PLEKHA1: variants seen among roughly 807,000 people sequenced by gnomAD.
PLEKHA1 encodes pleckstrin homology domain containing A1.
In PLEKHA1, 34 loss-of-function variants were observed where a neutral mutation model predicts 52.0. The ratio of observed to expected loss-of-function variants is 0.65; its 90% CI spans 0.50 to 0.87. The LOEUF is 0.87. Ranked by LOEUF, PLEKHA1 falls within the 40% of genes least tolerant of loss-of-function variation. The pLI is 0.00. For synonymous variants in PLEKHA1, 163 were observed against 170.7 expected, an observed-to-expected ratio of 0.95 and a Z score of 0.35; for missense variants, 497 against 504.2, an observed-to-expected ratio of 0.99 and a Z score of 0.14.
At chr10:122,385,541 C>G (rs1278225343) in intron 1 of PLEKHA1, among the ~76,000 whole-genome samples, 1 of 152,080 alleles carries the variant, frequency 6.6e-6, no homozygotes, top group Non-Finnish European at 1.5e-5. Context: ...GTCTTGAACT[C>G]CCAACCTCAG....
intron 3 of PLEKHA1, among the ~76,000 whole-genome samples, chr10:122,399,235 GGGATCAAT>G (rs1565194025): frequency 6.6e-6 from 1 of 152,068 alleles, no homozygotes; most frequent in African/African-American, 2.4e-5. Flanking sequence ...GTTTGTAGTT[GGGATCAAT>G]GAGGAACCCC....
intron 2 of PLEKHA1, among the ~76,000 whole-genome samples, chr10:122,396,132 GAC>G (rs1446975519): frequency 1.3e-5 from 2 of 151,946 alleles, no homozygotes; most frequent in Non-Finnish European, 2.9e-5. Context: ...CTATTACTGT[GAC>G]ACTTTATGTC....
At chr10:122,401,919 A>G (rs1389741924) in intron 4 of PLEKHA1, among the ~76,000 whole-genome samples, 3 of 152,218 alleles carry the variant, frequency 2.0e-5, no homozygotes, top group Non-Finnish European at 2.9e-5. Flanking sequence ...TAGCATCTTG[A>G]TATGAGCAAG....
chr10:122,394,871 G>T (rs556983950), intron 2 of PLEKHA1, among the ~76,000 whole-genome samples: 1 of 152,240 alleles, frequency 6.6e-6, no homozygotes, highest in Non-Finnish European at 1.5e-5. Flanking sequence ...CTACATAATA[G>T]ATTCTTCTTG....
chr10:122,384,754 A>G (rs915045346), intron 1 of PLEKHA1, among the ~76,000 whole-genome samples: 3 of 152,080 alleles, frequency 2.0e-5, no homozygotes, highest in Non-Finnish European at 2.9e-5. Flanking sequence ...GGACTTTGAG[A>G]CCAGCCTGGC....
chr10:122,411,688 C>CT (rs757225128), intron 5 of PLEKHA1: 1 of 152,170 alleles, frequency 6.6e-6, no homozygotes. Context: ...CTGGGTGATA[C>CT]TTTATGCACT....
chr10:122,421,489 G>C (rs1399106257), intron 8 of PLEKHA1: 2 of 152,132 alleles, frequency 1.3e-5, no homozygotes, highest in Admixed American at 6.6e-5. Context: ...TGATTCTGAT[G>C]ATTGTATTGT....
At chr10:122,411,668 A>C (rs1353228973) in intron 5 of PLEKHA1, 3 of 152,152 alleles carry the variant, frequency 2.0e-5, no homozygotes, top group Non-Finnish European at 4.4e-5. Context: ...TGAAGTTTTA[A>C]ATAATGTTCC....
intron 1 of PLEKHA1, among the ~76,000 whole-genome samples, chr10:122,375,263 G>A (rs1234974167): frequency 1.3e-5 from 2 of 151,916 alleles, no homozygotes; most frequent in East Asian, 3.9e-4. Context: ...CGGTCGGAGC[G>A]CCTCCCTCCA....
chr10:122,411,408 T>G (rs535481537), intron 5 of PLEKHA1, among the ~76,000 whole-genome samples: 2 of 152,346 alleles, frequency 1.3e-5, no homozygotes, highest in Admixed American at 6.5e-5. Flanking sequence ...ACATGGACCA[T>G]GTTTGCTCAA....
At chr10:122,386,968 C>T (rs2096708397) in intron 1 of PLEKHA1, 1 of 152,088 alleles carries the variant, frequency 6.6e-6, no homozygotes, top group South Asian at 2.1e-4. Flanking sequence ...TTGTTTACTT[C>T]TAAATTGTCA....
In PLEKHA1 at chr10:122,431,972, A is replaced by T. The variant is rs1047217690; in HGVS notation, c.*2034A>T. On this transcript the variant is annotated 3_prime_UTR_variant, in exon 12 of 12. Transcript: ENST00000368990. ...TTCACTTTAGTATTTGCAATTTGAT[A>T]TATTTCATGGTGGCAAAATATTAGC... 2 of 152,182 alleles carry T rather than the reference A, an allele frequency of 1.3e-5. No homozygotes were observed. The highest frequency in any genetic ancestry group is 2.9e-5 in the Non-Finnish European group (2 of 68,028). The allele number at this position is 152,182 out of a possible 1,614,324, so 9.4% of individuals were successfully genotyped here.
rs748846761 is a variant in PLEKHA1 at position 122,393,388 on chromosome 10, A to G, written c.141+47A>G. On this transcript the variant is annotated intron_variant, in intron 2 of 11. Transcript: ENST00000368990. The surrounding 1 kb of genome is among the most constrained non-coding windows in gnomAD (Gnocchi z 4.5). ...ATCTTTTAAAAGCACAGAAAGTTGT[A>G]TTTAAGTATTTAACATACTATACAG... 3.9e-6 allele frequency: 6 copies of G among 1,535,630 alleles called. No homozygotes were observed. The highest frequency in any genetic ancestry group is 1.3e-5 in the South Asian group (1 of 76,112).
chr10:122,401,911 G>C (rs2096934949), intron 4 of PLEKHA1, among the ~76,000 whole-genome samples: 2 of 152,148 alleles, frequency 1.3e-5, no homozygotes, highest in African/African-American at 2.4e-5. Flanking sequence ...GTTAGGAATA[G>C]CATCTTGATA....
chr10:122,421,200 A>G (rs1330407957), intron 8 of PLEKHA1: 2 of 152,136 alleles, frequency 1.3e-5, no homozygotes, highest in African/African-American at 2.4e-5. Context: ...GTAAATTGAA[A>G]TCACCTGACA....
At chr10:122,394,352 A>G (rs1254103769) in intron 2 of PLEKHA1, among the ~76,000 whole-genome samples, 1 of 152,120 alleles carries the variant, frequency 6.6e-6, no homozygotes, top group African/African-American at 2.4e-5. Flanking sequence ...CTGAGATTAC[A>G]GGCATGAGCC....
At chr10:122,384,313 A>T (rs906238117) in intron 1 of PLEKHA1, among the ~76,000 whole-genome samples, 4 of 152,208 alleles carry the variant, frequency 2.6e-5, no homozygotes, top group African/African-American at 9.7e-5. Flanking sequence ...GAAAGCTTTT[A>T]AAAAACTTTA....
chr10:122,415,261 T>C (rs981417979), intron 6 of PLEKHA1, among the ~76,000 whole-genome samples: 5 of 152,196 alleles, frequency 3.3e-5, no homozygotes, highest in Non-Finnish European at 5.9e-5. Flanking sequence ...GTCAAAATTA[T>C]AGTCTTGGAG....
intron 11 of PLEKHA1, among the ~76,000 whole-genome samples, chr10:122,429,157 T>C (rs2097384619): frequency 6.6e-6 from 1 of 152,224 alleles, no homozygotes; most frequent in Non-Finnish European, 1.5e-5. Flanking sequence ...ATTAAAGAAA[T>C]ATGGCCTTTC....
Sources: gnomAD v4.1 joint callset for allele counts (sites outside exome capture counted in the v4.1 genomes callset) on GRCh38, gnomAD v4.1.1 for gene constraint, Gnocchi (gnomAD v3.1) non-coding constraint, MANE v1.5 for transcripts, NCBI Gene and HGNC (gene_info 2026-07-23, HGNC 2026-07-21) for gene names.